The following BCKDHB variants were observed in gnomAD, a reference collection of about 807,000 sequenced individuals.
BCKDHB encodes branched chain keto acid dehydrogenase E1 subunit beta, also known as 2-oxoisovalerate dehydrogenase subunit beta, mitochondrial.
BCKDHB carries 41 observed loss-of-function variants against 48.5 expected under a neutral mutation model. That is an observed-to-expected ratio of 0.85 (90% confidence interval 0.66 to 1.10). The LOEUF (loss-of-function observed/expected upper bound fraction) is 1.10, where lower values mean the gene tolerates loss of function less well. Ranked by LOEUF, BCKDHB falls within the 50% of genes least tolerant of loss-of-function variation. BCKDHB has a pLI of 0.00. For synonymous variants in BCKDHB, 201 were observed against 174.8 expected, an observed-to-expected ratio of 1.15 and a Z score of -1.18; for missense variants, 496 against 494.2, an observed-to-expected ratio of 1.00 and a Z score of -0.03.
intron 1 of BCKDHB, among the ~76,000 whole-genome samples, chr6:80,115,465 G>A (rs1295308501): frequency 6.6e-6 from 1 of 152,016 alleles, no homozygotes. Context: ...TGGAGAATAG[G>A]GTATCTGGAT....
intron 3 of BCKDHB, among the ~76,000 whole-genome samples, chr6:80,137,857 G>C (rs1770967817): frequency 6.6e-6 from 1 of 151,968 alleles, no homozygotes; most frequent in Non-Finnish European, 1.5e-5. Flanking sequence ...GCCAAGGTGG[G>C]AGGATTGCTT....
chr6:80,120,957 T>C (rs1769983519), intron 1 of BCKDHB, among the ~76,000 whole-genome samples: 1 of 152,200 alleles, frequency 6.6e-6, no homozygotes, highest in African/African-American at 2.4e-5. Flanking sequence ...TCCTGAATGG[T>C]ATTGCCTAGG....
chr6:80,374,279 A>T, the BCKDHB span: 1 of 871,936 alleles, frequency 1.1e-6, no homozygotes. Flanking sequence ...TACTGTCTGC[A>T]TTTTTAAGCA....
rs578157044 is a variant in BCKDHB, at chr6:80,235,198, G to C, written c.951+31986G>C. 7.2e-5 allele frequency among the ~76,000 whole-genome samples: 11 copies of C among 152,314 alleles called. No individual in the cohort carries two copies. In the South Asian group the frequency reaches 2.3e-3, roughly 32 times the overall value. ...CAAGGAAATGATCAGTGTTTGAGAT[G>C]ATAGATGTCCCAGTTACCCTGATTT... On this transcript the variant is annotated intron_variant, in intron 8 of 9. Transcript: ENST00000320393.
Position 80,248,698 on chromosome 6 carries a change from A to C in BCKDHB, c.952-24437A>C, listed in dbSNP as rs118182934. 3.1e-4 allele frequency among the ~76,000 whole-genome samples: 47 copies of C among 152,262 alleles called. No homozygotes were observed. In the East Asian group the frequency reaches 7.9e-3, roughly 26 times the overall value. On this transcript the variant is annotated intron_variant, in intron 8 of 9. Coordinates refer to ENST00000320393, the MANE Select transcript of BCKDHB (RefSeq NM_183050.4). Reference sequence around the variant, plus strand: ...GTTAGCTTTGCATGTGGGAAAGTTTAAGGTATCCAGTGGCTGGTGTGGTAC... The same window carrying C: ...GTTAGCTTTGCATGTGGGAAAGTTTCAGGTATCCAGTGGCTGGTGTGGTAC...
the BCKDHB span, among the ~76,000 whole-genome samples, chr6:80,368,532 A>G: frequency 2.0e-5 from 3 of 152,266 alleles, no homozygotes; most frequent in East Asian, 5.8e-4. Flanking sequence ...TTAGCCATCC[A>G]CTTCTACCTA....
chr6:80,253,523 G>T (rs1756343795), intron 8 of BCKDHB, among the ~76,000 whole-genome samples: 1 of 152,060 alleles, frequency 6.6e-6, no homozygotes, highest in Non-Finnish European at 1.5e-5. Context: ...GGTACTCTTT[G>T]ATTGACTCTT....
rs1246984003 is a variant in BCKDHB at position 80,203,192 on chromosome 6, G to A, written c.931G>A (p.Asp311Asn). ...TGATCTGAGGACTATAATACCTTGG[G>A]ATGTGGACACAATTTGTAAGGTATG... ...VIDLRTIIPW[D>N]VDTICKSVIK... Residue 311 changes from aspartate (D) to asparagine (N), a missense_variant, in exon 8 of 10, where the codon GAT becomes AAT. Transcript: ENST00000320393. 7.5e-6 allele frequency: 12 copies of A among 1,606,760 alleles called. No individual in the cohort carries two copies. The highest frequency in any genetic ancestry group is 1.0e-5 in the Non-Finnish European group (12 of 1,173,566).
At chr6:80,229,713 G>A (rs1228482684) in intron 8 of BCKDHB, among the ~76,000 whole-genome samples, 1 of 151,948 alleles carries the variant, frequency 6.6e-6, no homozygotes, top group Non-Finnish European at 1.5e-5. Flanking sequence ...TAGAATCAAT[G>A]AAATAATTGA....
At chr6:80,145,028 A>G (rs965315093) in intron 3 of BCKDHB, among the ~76,000 whole-genome samples, 4 of 152,192 alleles carry the variant, frequency 2.6e-5, no homozygotes, top group East Asian at 3.9e-4. Flanking sequence ...ACGTAGTTAC[A>G]TAACGTATCA....
At position 80,117,771 on chromosome 6, in the gene BCKDHB, A is replaced by G. The variant is rs187039725; in HGVS notation, c.197-9776A>G. Among the ~76,000 whole-genome samples the G allele has an allele frequency of 6.8e-4, 103 of 152,344 alleles. 1 individual carries two copies. The highest frequency in any genetic ancestry group is 3.4e-3 in the Middle Eastern group (1 of 294). On this transcript the variant is annotated intron_variant, in intron 1 of 9. Coordinates refer to ENST00000320393, the MANE Select transcript of BCKDHB (RefSeq NM_183050.4). ...AATACTTTTAGTTAATCTATAATCT[A>G]TAGAAACAATGCTTATCACTGGCTT...
At chr6:80,336,044 G>T (rs1390835921) in intron 9 of BCKDHB, among the ~76,000 whole-genome samples, 1 of 151,828 alleles carries the variant, frequency 6.6e-6, no homozygotes, top group Non-Finnish European at 1.5e-5. Flanking sequence ...CTTCCCTGTT[G>T]TTACTTATTT....
chr6:80,426,868 AC>A, the BCKDHB span, among the ~76,000 whole-genome samples: 5 of 152,204 alleles, frequency 3.3e-5, no homozygotes, highest in African/African-American at 1.2e-4. Flanking sequence ...ATCTTGTATA[AC>A]CTATTGATTT....
chr6:80,216,727 A>G (rs968783686), intron 8 of BCKDHB, among the ~76,000 whole-genome samples: 1 of 152,188 alleles, frequency 6.6e-6, no homozygotes, highest in Non-Finnish European at 1.5e-5. Context: ...CAAGAAATCT[A>G]AATGTGTTGA....
At chr6:80,192,431 C>G (rs1053565751) in intron 6 of BCKDHB, among the ~76,000 whole-genome samples, 2 of 152,016 alleles carry the variant, frequency 1.3e-5, no homozygotes, top group Non-Finnish European at 2.9e-5. Flanking sequence ...TGTGTAGCTC[C>G]TTGCTATAGA....
At chr6:80,316,434 A>G (rs1457048935) in intron 9 of BCKDHB, among the ~76,000 whole-genome samples, 1 of 151,846 alleles carries the variant, frequency 6.6e-6, no homozygotes, top group Non-Finnish European at 1.5e-5. Context: ...TCAGTTCTTC[A>G]TAAGAATATA....
chr6:80,303,583 T>G (rs1767696870), intron 9 of BCKDHB, among the ~76,000 whole-genome samples: 1 of 152,080 alleles, frequency 6.6e-6, no homozygotes, highest in South Asian at 2.1e-4. Context: ...GGCGTTCATC[T>G]ATGTCAAGCA....
At chr6:80,311,435 CTTAA>C (rs946712125) in intron 9 of BCKDHB, among the ~76,000 whole-genome samples, 6 of 152,134 alleles carry the variant, frequency 3.9e-5, no homozygotes, top group Non-Finnish European at 8.8e-5. Context: ...TGAAGAAGCT[CTTAA>C]TTAGATTCAT....
At chr6:80,369,754 G>A in the BCKDHB span, among the ~76,000 whole-genome samples, 1 of 152,192 alleles carries the variant, frequency 6.6e-6, no homozygotes, top group Admixed American at 6.5e-5. Flanking sequence ...GCTTTCAGGA[G>A]TGGTACAGTT....
Sources: gnomAD v4.1 joint callset for allele counts (sites outside exome capture counted in the v4.1 genomes callset) on GRCh38, gnomAD v4.1.1 for gene constraint, MANE v1.5 for transcripts, NCBI Gene and HGNC (gene_info 2026-07-23, HGNC 2026-07-21) for gene names.